KCTD16: variants seen among roughly 807,000 people sequenced by gnomAD.
The protein encoded by KCTD16 is potassium channel tetramerization domain containing 16, also known as BTB/POZ domain-containing protein KCTD16.
Under a neutral mutation model 33.2 loss-of-function variants are expected in KCTD16, and 13 were observed. The observed-to-expected ratio is 0.39, with a 90% confidence interval of 0.25 to 0.62. The LOEUF (loss-of-function observed/expected upper bound fraction) is 0.62. Ranked by LOEUF, KCTD16 falls within the 20% of genes least tolerant of loss-of-function variation. The probability of loss-of-function intolerance (pLI) is 0.50; values close to 1 mark genes in which losing one functional copy is unlikely to be tolerated. For missense variants in KCTD16, 441 were observed against 525.1 expected (o/e 0.84, Z 1.57); for synonymous variants, 197 against 195.3 (o/e 1.01, Z -0.07).
intron 3 of KCTD16, among the ~76,000 whole-genome samples, chr5:144,281,373 A>G (rs1223842165): frequency 1.3e-5 from 2 of 152,198 alleles, no homozygotes; most frequent in Non-Finnish European, 2.9e-5. Flanking sequence ...TGCACTCTGT[A>G]CATTTTGATA....
chr5:144,273,768 G>C (rs1013402400), intron 3 of KCTD16, among the ~76,000 whole-genome samples: 1 of 150,836 alleles, frequency 6.6e-6, no homozygotes, highest in Non-Finnish European at 1.5e-5. Flanking sequence ...GTTGTCAGGG[G>C]CTGGGGGGAG....
chr5:144,188,083 A>C (rs114113345), intron 2 of KCTD16, among the ~76,000 whole-genome samples: 1 of 152,312 alleles, frequency 6.6e-6, no homozygotes. Flanking sequence ...ATAATCTGCC[A>C]TCATTATAGG....
At chr5:144,202,477 A>G (rs556234068) in intron 2 of KCTD16, among the ~76,000 whole-genome samples, 1 of 152,298 alleles carries the variant, frequency 6.6e-6, no homozygotes, top group African/African-American at 2.4e-5. Context: ...GACTAAAGAA[A>G]CAAGAAGGAG....
At chr5:144,369,758 A>G (rs947508482) in intron 3 of KCTD16, among the ~76,000 whole-genome samples, 1 of 152,152 alleles carries the variant, frequency 6.6e-6, no homozygotes, top group Non-Finnish European at 1.5e-5. Context: ...TCATGCTTTA[A>G]TACAGCATTT....
intron 3 of KCTD16, among the ~76,000 whole-genome samples, chr5:144,364,688 C>G (rs1231143073): frequency 1.3e-5 from 2 of 152,154 alleles, no homozygotes; most frequent in Non-Finnish European, 2.9e-5. Context: ...AATTGCTATT[C>G]TTTGAGTAAA....
chr5:144,463,350 A>G (rs1315234540), intron 3 of KCTD16, among the ~76,000 whole-genome samples: 1 of 152,220 alleles, frequency 6.6e-6, no homozygotes. Context: ...AAGTGTTTAC[A>G]TACTGTGGTT....
chr5:144,299,260 C>A (rs1251676898), intron 3 of KCTD16, among the ~76,000 whole-genome samples: 1 of 148,542 alleles, frequency 6.7e-6, no homozygotes, highest in East Asian at 2.0e-4. Context: ...CATTTTCAAC[C>A]TTTTCCTCAA....
At chr5:144,381,001 A>C (rs1047359772) in intron 3 of KCTD16, among the ~76,000 whole-genome samples, 1 of 152,192 alleles carries the variant, frequency 6.6e-6, no homozygotes, top group African/African-American at 2.4e-5. Flanking sequence ...AGAAACTATC[A>C]ACAGAGTAAA....
At chr5:144,376,699 C>G (rs1752101567) in intron 3 of KCTD16, among the ~76,000 whole-genome samples, 1 of 152,144 alleles carries the variant, frequency 6.6e-6, no homozygotes, top group African/African-American at 2.4e-5. Flanking sequence ...CCTGTGAGTC[C>G]TAGATTTCCA....
At position 144,207,488 on chromosome 5, in the gene KCTD16, C is replaced by T. The variant is rs898632679; in HGVS notation, c.774C>T (p.Phe258=). Residue 258 remains phenylalanine (F), a synonymous_variant, in exon 3 of 4, where the codon TTC becomes TTT. Transcript: ENST00000512467. The part of the protein sequence containing the change: ...VACNSSVTAS[F]INQYTDDKIW... ...GTAACTCATCGGTGACAGCATCTTT[C>T]ATCAACCAATATACAGATGACAAGA... is the stretch of plus-strand genomic sequence containing the variant. The T allele has an allele frequency of 1.2e-6, 2 of 1,614,166 alleles. No homozygotes were observed. The highest frequency in any genetic ancestry group is 8.5e-7 in the Non-Finnish European group (1 of 1,180,036).
At chr5:144,213,417 C>T (rs1753461715) in intron 3 of KCTD16, among the ~76,000 whole-genome samples, 1 of 150,536 alleles carries the variant, frequency 6.6e-6, no homozygotes, top group South Asian at 2.1e-4. Flanking sequence ...TTTTTTCTCT[C>T]TCTCTTTCTT....
At chr5:144,316,894 C>T (rs1028020476) in intron 3 of KCTD16, among the ~76,000 whole-genome samples, 4 of 132,940 alleles carry the variant, frequency 3.0e-5, no homozygotes, top group African/African-American at 5.8e-5. Context: ...ATGGTGTGAT[C>T]TCGGCTCACT....
intron 3 of KCTD16, among the ~76,000 whole-genome samples, chr5:144,267,032 G>A (rs754898526): frequency 9.2e-5 from 14 of 152,098 alleles, no homozygotes; most frequent in Non-Finnish European, 2.1e-4. Context: ...CACATACCTT[G>A]CATGCAGTAA....
At chr5:144,330,623 A>G (rs1752335108) in intron 3 of KCTD16, among the ~76,000 whole-genome samples, 1 of 152,072 alleles carries the variant, frequency 6.6e-6, no homozygotes, top group South Asian at 2.1e-4. Flanking sequence ...ATACTAGATA[A>G]TATTTACTGA....
At chr5:144,217,817 T>C (rs1753611357) in intron 3 of KCTD16, among the ~76,000 whole-genome samples, 2 of 152,052 alleles carry the variant, frequency 1.3e-5, no homozygotes, top group Admixed American at 1.3e-4. Flanking sequence ...ACTTCAAACC[T>C]TCCTTCATCT....
At chr5:144,403,439 G>T (rs1056930339) in intron 3 of KCTD16, among the ~76,000 whole-genome samples, 1 of 152,080 alleles carries the variant, frequency 6.6e-6, no homozygotes, top group Non-Finnish European at 1.5e-5. Context: ...GACACACAGA[G>T]AGCAGCATGT....
intron 3 of KCTD16, among the ~76,000 whole-genome samples, chr5:144,208,781 G>A (rs1318633474): frequency 2.0e-5 from 3 of 152,208 alleles, no homozygotes; most frequent in African/African-American, 4.8e-5. Context: ...TAAGACACAT[G>A]TATTGCATAG....
At chr5:144,416,233 ATT>A (rs1753050799) in intron 3 of KCTD16, among the ~76,000 whole-genome samples, 1 of 152,144 alleles carries the variant, frequency 6.6e-6, no homozygotes, top group Non-Finnish European at 1.5e-5. Context: ...TCTCCAAAAT[ATT>A]TAGTTTTGTT....
rs1447284204 is a variant in KCTD16, at chr5:144,479,753, G to A, written c.*5639G>A. The A allele has an allele frequency of 6.6e-6, 1 of 151,856 alleles. No individual in the cohort carries two copies. The highest frequency in any genetic ancestry group is 1.5e-5 in the Non-Finnish European group (1 of 67,924). 9.4% of individuals were successfully genotyped at this position (151,856 alleles called of 1,614,324 possible). On this transcript the variant is annotated 3_prime_UTR_variant, in exon 4 of 4. Coordinates refer to ENST00000512467, the MANE Select transcript of KCTD16 (RefSeq NM_020768.4). ...TTTCTCTTGCTTGTGAACAAATTTT[G>A]TTGCCAATTAGGTAAAAAATGTTAA...
Sources: allele counts gnomAD v4.1 joint callset (sites outside exome capture counted in the v4.1 genomes callset), GRCh38; gene constraint gnomAD v4.1.1; transcripts MANE v1.5; gene names NCBI Gene and HGNC (gene_info 2026-07-23, HGNC 2026-07-21).